Variants in NDST4 observed in about 807,000 individuals in gnomAD.
The protein encoded by NDST4 is N-deacetylase and N-sulfotransferase 4, also known as N-heparan sulfate sulfotransferase 4.
Under a neutral mutation model 100.8 loss-of-function variants are expected in NDST4, and 63 were observed. The ratio of observed to expected loss-of-function variants is 0.62; its 90% CI spans 0.51 to 0.77. NDST4 has a LOEUF of 0.77. Among genes scored for constraint, NDST4 ranks in the 30% least tolerant of loss-of-function variants. The pLI, the probability that NDST4 is intolerant of heterozygous loss-of-function variation, is 0.00. For synonymous variants in NDST4, 377 were observed against 361.8 expected (o/e 1.04, Z -0.48); for missense variants, 943 against 1,018.4 (o/e 0.93, Z 1.01).
At chr4:115,032,560 C>CAGA (rs1302827241) in intron 2 of NDST4, among the ~76,000 whole-genome samples, 2 of 152,074 alleles carry the variant, frequency 1.3e-5, no homozygotes, top group Non-Finnish European at 2.9e-5. Flanking sequence ...AGCATTTTCT[C>CAGA]TTCTTTGCAC....
At position 114,950,845 on chromosome 4, in the gene NDST4, G is replaced by A. The variant is rs560907791; in HGVS notation, c.1222-13342C>T. On this transcript the variant is annotated intron_variant, in intron 4 of 13. Coordinates refer to ENST00000264363, the MANE Select transcript of NDST4 (RefSeq NM_022569.3). Reference sequence around the variant, plus strand: ...CAAGTGTCTCTTTTGTGGCTGCACCGTGTTCTGTACATTTCTCTCAAAAAC... The same window carrying A: ...CAAGTGTCTCTTTTGTGGCTGCACCATGTTCTGTACATTTCTCTCAAAAAC... 8.7e-5 allele frequency among the ~76,000 whole-genome samples: 13 copies of A among 149,260 alleles called. No individual in the cohort carries two copies. The South Asian group carries it at 1.9e-3, about 22-fold the overall frequency.
chr4:115,015,797 T>G (rs1323953929), intron 2 of NDST4, among the ~76,000 whole-genome samples: 1 of 152,052 alleles, frequency 6.6e-6, no homozygotes, highest in East Asian at 1.9e-4. Context: ...CTCAGCAATA[T>G]GGACTCCTAC....
At chr4:114,848,954 T>G (rs1196750861) in intron 8 of NDST4, among the ~76,000 whole-genome samples, 1 of 151,966 alleles carries the variant, frequency 6.6e-6, no homozygotes, top group Non-Finnish European at 1.5e-5. Flanking sequence ...TATGAGAAAA[T>G]GGGTGATTTA....
At chr4:114,989,209 A>G (rs1220503000) in intron 2 of NDST4, among the ~76,000 whole-genome samples, 11 of 152,206 alleles carry the variant, frequency 7.2e-5, no homozygotes, top group Admixed American at 7.2e-4. Flanking sequence ...CAATACCAAA[A>G]ATGCATGAAT....
chr4:115,043,983 C>A (rs1728407398), intron 2 of NDST4, among the ~76,000 whole-genome samples: 1 of 152,002 alleles, frequency 6.6e-6, no homozygotes, highest in African/African-American at 2.4e-5. Flanking sequence ...GTTTTAGATG[C>A]TTTATTACAA....
At chr4:115,068,717 T>C (rs1345309039) in intron 2 of NDST4, among the ~76,000 whole-genome samples, 4 of 147,932 alleles carry the variant, frequency 2.7e-5, no homozygotes, top group Non-Finnish European at 5.9e-5. Flanking sequence ...CTCAGGAGGC[T>C]GAGGCAGAAG....
At chr4:115,089,335 A>AT (rs1024880591) in intron 1 of NDST4, among the ~76,000 whole-genome samples, 1 of 151,152 alleles carries the variant, frequency 6.6e-6, no homozygotes. Context: ...ATATTATTTC[A>AT]TTTTTTTCAA....
intron 2 of NDST4, among the ~76,000 whole-genome samples, chr4:115,040,212 G>A (rs917295411): frequency 2.7e-5 from 4 of 150,382 alleles, no homozygotes; most frequent in African/African-American, 9.8e-5. Context: ...ATTTTAAGAA[G>A]TAATCTATAA....
At chr4:114,868,841 A>G (rs1724086745) in intron 7 of NDST4, among the ~76,000 whole-genome samples, 2 of 151,174 alleles carry the variant, frequency 1.3e-5, no homozygotes, top group South Asian at 4.1e-4. Flanking sequence ...AAATTTGTAA[A>G]CTCTATGTTA....
chr4:115,052,815 T>G (rs1169093171), intron 2 of NDST4, among the ~76,000 whole-genome samples: 1 of 152,110 alleles, frequency 6.6e-6, no homozygotes, highest in South Asian at 2.1e-4. Context: ...AGAAACACTG[T>G]ACAGTGTTAA....
chr4:114,997,972 A>G (rs1243467185), intron 2 of NDST4, among the ~76,000 whole-genome samples: 5 of 152,100 alleles, frequency 3.3e-5, no homozygotes, highest in African/African-American at 1.2e-4. Flanking sequence ...TATGTAGTCT[A>G]TGATACACAG....
At chr4:114,863,139 A>C (rs897753578) in intron 7 of NDST4, among the ~76,000 whole-genome samples, 2 of 152,166 alleles carry the variant, frequency 1.3e-5, no homozygotes, top group African/African-American at 4.8e-5. Context: ...TACTGTATGA[A>C]AATCTGAATA....
intron 2 of NDST4, among the ~76,000 whole-genome samples, chr4:114,992,663 C>A (rs770493119): frequency 6.6e-6 from 1 of 151,636 alleles, no homozygotes; most frequent in African/African-American, 2.4e-5. Flanking sequence ...GGATACTATG[C>A]ATAATCTCCA....
intron 6 of NDST4, among the ~76,000 whole-genome samples, chr4:114,874,325 T>TG (rs1293408219): frequency 6.6e-6 from 1 of 151,874 alleles, no homozygotes; most frequent in Admixed American, 6.6e-5. Flanking sequence ...CTTTGTTTGA[T>TG]GGAAAAAAAA....
intron 4 of NDST4, among the ~76,000 whole-genome samples, chr4:114,956,785 T>C (rs1321545165): frequency 6.6e-6 from 1 of 152,160 alleles, no homozygotes; most frequent in Non-Finnish European, 1.5e-5. Flanking sequence ...AGCCATTCCA[T>C]TTAAAAAATA....
intron 7 of NDST4, among the ~76,000 whole-genome samples, chr4:114,858,674 T>C (rs1261805129): frequency 1.3e-5 from 2 of 152,202 alleles, no homozygotes; most frequent in African/African-American, 2.4e-5. Flanking sequence ...AAGAGTTGTG[T>C]ATTTGAGTCC....
At chr4:115,095,081 C>G (rs898172989) in intron 1 of NDST4, among the ~76,000 whole-genome samples, 12 of 152,140 alleles carry the variant, frequency 7.9e-5, no homozygotes, top group Non-Finnish European at 1.5e-5. Flanking sequence ...CCCTTCTTTG[C>G]ATGTTCCCAC....
intron 2 of NDST4, among the ~76,000 whole-genome samples, chr4:115,016,792 C>T (rs1441881572): frequency 1.3e-5 from 2 of 152,038 alleles, no homozygotes; most frequent in Non-Finnish European, 2.9e-5. Context: ...ATGACTCCGA[C>T]CCTTCCAGAA....
intron 1 of NDST4, among the ~76,000 whole-genome samples, chr4:115,078,727 A>G (rs1578506040): frequency 6.6e-6 from 1 of 151,854 alleles, no homozygotes; most frequent in East Asian, 1.9e-4. Context: ...TGTAATCCCA[A>G]CTACTCAGGA....
Sources: allele counts gnomAD v4.1 joint callset (sites outside exome capture counted in the v4.1 genomes callset), GRCh38; gene constraint gnomAD v4.1.1; transcripts MANE v1.5; gene names NCBI Gene and HGNC (gene_info 2026-07-23, HGNC 2026-07-21).